CFAP46: variants seen among roughly 807,000 people sequenced by gnomAD.
CFAP46 encodes the protein cilia and flagella associated protein 46.
Under a neutral mutation model 325.7 loss-of-function variants are expected in CFAP46, and 245 were observed. The ratio of observed to expected loss-of-function variants is 0.75; its 90% CI spans 0.68 to 0.84. The LOEUF is 0.84. Ranked by LOEUF, CFAP46 falls within the 40% of genes least tolerant of loss-of-function variation. The pLI is 0.00. For missense variants in CFAP46, 3,346 were observed against 3,543.0 expected (o/e 0.94, Z 1.41); for synonymous variants, 1,523 against 1,495.9 (o/e 1.02, Z -0.42).
intron 8 of CFAP46, among the ~76,000 whole-genome samples, chr10:132,931,315 T>A (rs113035741): frequency 8.6e-4 from 34 of 39,390 alleles, no homozygotes; most frequent in African/African-American, 3.3e-3. Context: ...CCCACACTCC[T>A]CACGCAGAGC....
At chr10:132,940,426 T>C (rs1438378274) in intron 4 of CFAP46, among the ~76,000 whole-genome samples, 4 of 152,156 alleles carry the variant, frequency 2.6e-5, no homozygotes, top group Non-Finnish European at 5.9e-5. Context: ...GCACTGATTT[T>C]GTAGAAAGTG....
At chr10:132,821,300 T>C (rs1591032732) in intron 50 of CFAP46, among the ~76,000 whole-genome samples, 1 of 137,786 alleles carries the variant, frequency 7.3e-6, no homozygotes, top group African/African-American at 2.9e-5. Context: ...GTGCTGTGTG[T>C]GCTGTGTGTT....
intron 36 of CFAP46, 113 bp downstream of exon 36, chr10:132,860,669 A>C: frequency 7.8e-7 from 1 of 1,278,396 alleles, no homozygotes; most frequent in Non-Finnish European, 1.1e-6. Context: ...GCAGGGATGG[A>C]TCCAGGCGTG....
rs2135758020 is a variant in CFAP46, at chr10:132,941,662, T to C, written c.235A>G (p.Ile79Val). The change falls in exon 3 of 58, where the codon ATC becomes GTC. Residue 79 changes from isoleucine (I) to valine (V), a missense_variant. Physicochemically the swap from Ile to Val is conservative, Grantham distance 29. Transcript: ENST00000368586. Reference sequence around the variant, plus strand: ...TGCGCTCGGCCCAGAAACTGGGTGATGGGCGCCTTCACCTTGAAGTACATT... The same window carrying C: ...TGCGCTCGGCCCAGAAACTGGGTGACGGGCGCCTTCACCTTGAAGTACATT... Reference protein sequence around the residue: ...IQMYFKVKAPITQFLGRAHLC... With the variant: ...IQMYFKVKAPVTQFLGRAHLC... 11 of 1,614,048 alleles carry C rather than the reference T, an allele frequency of 6.8e-6. No individual in the cohort carries two copies. The highest frequency in any genetic ancestry group is 9.3e-6 in the Non-Finnish European group (11 of 1,180,024).
rs143761539 is a variant in CFAP46 at position 132,847,221 on chromosome 10, G to C, written c.6053C>G (p.Pro2018Arg). The C allele has an allele frequency of 1.9e-6, 3 of 1,612,932 alleles. No individual in the cohort carries two copies. Among genetic ancestry groups the C allele is most frequent in the Admixed American group, 1.7e-5 (1 of 60,004 alleles). ...SRDPPASRAA[P>R]EEHCRRGEDL... Reference sequence around the variant, plus strand: ...CTCGCCTCTCCTGCAGTGCTCCTCCGGGGCTGCCCTGGAGGCCGGCGGGTC... The same window carrying C: ...CTCGCCTCTCCTGCAGTGCTCCTCCCGGGCTGCCCTGGAGGCCGGCGGGTC... The change falls in exon 42 of 58, where the codon CCG becomes CGG. Residue 2018 changes from proline to arginine, a missense_variant. Coordinates refer to ENST00000368586, the MANE Select transcript of CFAP46 (RefSeq NM_001200049.3). This position sits in a 1 kb window ranked among gnomAD's most constrained non-coding sequence, Gnocchi z 5.2.
chr10:132,907,655 G>A (rs879903118), intron 22 of CFAP46, among the ~76,000 whole-genome samples: 3 of 152,086 alleles, frequency 2.0e-5, no homozygotes, highest in African/African-American at 2.4e-5. Flanking sequence ...AATTCCCTTC[G>A]ACCTGCCATG....
At chr10:132,824,308 G>GC (rs1847980714) in intron 50 of CFAP46, among the ~76,000 whole-genome samples, 2 of 138,188 alleles carry the variant, frequency 1.4e-5, no homozygotes, top group Non-Finnish European at 3.1e-5. Flanking sequence ...GCTGTGTGCT[G>GC]TGTGTGCACT....
intron 13 of CFAP46, among the ~76,000 whole-genome samples, chr10:132,921,436 GC>G (rs1341942965): frequency 6.6e-6 from 1 of 152,240 alleles, no homozygotes; most frequent in African/African-American, 2.4e-5. Flanking sequence ...CCGCACATGG[GC>G]CGTACGGCCC....
At chr10:132,820,913 T>TGCTGATGTGTGCTGTGTGTGC (rs1847793098) in intron 50 of CFAP46, among the ~76,000 whole-genome samples, 1 of 121,080 alleles carries the variant, frequency 8.3e-6, no homozygotes, top group African/African-American at 3.2e-5. Flanking sequence ...GCTGTGTGTG[T>TGCTGATGTGTGCTGTGTGTGC]GCTGATGTGT....
chr10:132,915,157 T>C (rs1200430287), intron 17 of CFAP46, among the ~76,000 whole-genome samples: 1 of 152,274 alleles, frequency 6.6e-6, no homozygotes, highest in Non-Finnish European at 1.5e-5. Context: ...AATTTAAAAG[T>C]GTCAAAGCCA....
intron 57 of CFAP46, among the ~76,000 whole-genome samples, chr10:132,809,592 G>A (rs1847536910): frequency 6.6e-6 from 1 of 152,148 alleles, no homozygotes; most frequent in Admixed American, 6.5e-5. Context: ...AGGCCTCTGG[G>A]GGAAGCCTTC....
chr10:132,851,119 G>C lies in CFAP46; in HGVS notation c.5761C>G (p.Leu1921Val), dbSNP rs1591052738. 6.2e-7 allele frequency: 1 copy of C among 1,613,712 alleles called. No homozygotes were observed. The highest frequency in any genetic ancestry group is 2.2e-5 in the East Asian group (1 of 44,878). Reference sequence around the variant, plus strand: ...GAATCTGTGACCCCAGCAATTACCAGGCCGACGGAAGTGTAGTCACTGGTG... The same window carrying C: ...GAATCTGTGACCCCAGCAATTACCACGCCGACGGAAGTGTAGTCACTGGTG... Reference protein sequence around the residue: ...QNTSDYTSVGLQWFTLKRTLA... With the variant: ...QNTSDYTSVGVQWFTLKRTLA... The change falls in exon 40 of 58, where the codon CTG becomes GTG. Residue 1921 changes from leucine to valine, a missense_variant and splice_region_variant. Leu to Val is a conservative substitution (Grantham distance 32). Coordinates refer to ENST00000368586, the MANE Select transcript of CFAP46 (RefSeq NM_001200049.3).
Position 132,814,117 on chromosome 10 carries a change from C to T in CFAP46, c.7388+35G>A, listed in dbSNP as rs763497095. The T allele has an allele frequency of 1.5e-5, 23 of 1,573,194 alleles. No homozygotes were observed. The East Asian group carries it at 4.5e-4, about 31-fold the overall frequency. ...CCCCGCTGGACCCCCAGACCTGCCA[C>T]ACTGCAAACGGCTCCTGGGAGCCCA... On this transcript the variant is annotated intron_variant, in intron 54 of 57. Coordinates refer to ENST00000368586, the MANE Select transcript of CFAP46 (RefSeq NM_001200049.3).
chr10:132,871,653 A>C (rs1285214305), intron 32 of CFAP46, among the ~76,000 whole-genome samples: 6 of 152,242 alleles, frequency 3.9e-5, no homozygotes, highest in African/African-American at 1.4e-4. Flanking sequence ...TGAAGATGGC[A>C]CTGAATTGCT....
At chr10:132,937,717 T>C (rs753908454) in intron 5 of CFAP46, 42 bp from the exon 6 acceptor site, 2 of 1,560,656 alleles carry the variant, frequency 1.3e-6, no homozygotes, top group East Asian at 4.5e-5. Context: ...TGGTTGAAAC[T>C]GTTTTCTCCT....
intron 17 of CFAP46, 79 bp from the exon 18 acceptor site, chr10:132,913,337 G>T (rs61863089): frequency 0.34 from 251,136 of 732,822 alleles, 34,852 homozygotes; most frequent in Non-Finnish European, 0.37. Context: ...TGCGGGGCCT[G>T]TTAGGAACCA....
rs1056445820 is a variant in CFAP46 at position 132,916,802 on chromosome 10, A to G, written c.1987-120T>C. 7 of 1,351,340 alleles carry G rather than the reference A, an allele frequency of 5.2e-6. No homozygotes were observed. In the Admixed American group the frequency reaches 1.4e-4, roughly 27 times the overall value. 83.7% of individuals were successfully genotyped at this position (1,351,340 alleles called of 1,614,324 possible). On this transcript the variant is annotated intron_variant, in intron 16 of 57. Coordinates refer to ENST00000368586, the MANE Select transcript of CFAP46 (RefSeq NM_001200049.3). Reference sequence around the variant, plus strand: ...GAAAATGCCAAGCACAGGCTGTGAGACCCGTTTGCTGTGCCCTTTGCAAGC... The same window carrying G: ...GAAAATGCCAAGCACAGGCTGTGAGGCCCGTTTGCTGTGCCCTTTGCAAGC...
In CFAP46 at chr10:132,881,606, A is replaced by T. The variant is rs147771584; in HGVS notation, c.3628-574T>A. 9.2e-3 allele frequency among the ~76,000 whole-genome samples: 1,396 copies of T among 151,872 alleles called. 12 individuals carry two copies. The highest frequency in any genetic ancestry group is 0.043 in the South Asian group (204 of 4,800). Reference sequence around the variant, plus strand: ...AGCCTCAGCCCTGAGAGCCAGGGTTAGCCTGCACCGCACCCTCCGCAGCCC... The same window carrying T: ...AGCCTCAGCCCTGAGAGCCAGGGTTTGCCTGCACCGCACCCTCCGCAGCCC... On this transcript the variant is annotated intron_variant, in intron 27 of 57. Transcript: ENST00000368586.
intron 22 of CFAP46, among the ~76,000 whole-genome samples, chr10:132,903,471 G>A (rs184877976): frequency 9.1e-4 from 139 of 151,914 alleles, no homozygotes; most frequent in African/African-American, 3.2e-3. Context: ...GCCCTGACCC[G>A]TTTCTCCCCG....
Sources: gnomAD v4.1 joint callset for allele counts (sites outside exome capture counted in the v4.1 genomes callset) on GRCh38, gnomAD v4.1.1 for gene constraint, Gnocchi (gnomAD v3.1) non-coding constraint, MANE v1.5 for transcripts, NCBI Gene and HGNC (gene_info 2026-07-23, HGNC 2026-07-21) for gene names.